Variants in PCBP3 observed in about 807,000 individuals in gnomAD.
PCBP3 encodes poly(rC)-binding protein 3.
In PCBP3, 25 loss-of-function variants were observed where a neutral mutation model predicts 52.7. The observed-to-expected ratio is 0.47, with a 90% CI of 0.35 to 0.66. PCBP3 has a LOEUF of 0.66. PCBP3 is among the 30% of genes least tolerant of loss of function. The probability of loss-of-function intolerance (pLI) is 0.01; values close to 1 mark genes in which losing one functional copy is unlikely to be tolerated. For synonymous variants in PCBP3, 162 were observed against 183.0 expected (o/e 0.89, Z 0.93); for missense variants, 391 against 490.3 (o/e 0.80, Z 1.91).
chr21:45,646,056 TCTCTC>T (rs2079232823), intron 1 of PCBP3, among the ~76,000 whole-genome samples: 1 of 56,758 alleles, frequency 1.8e-5, no homozygotes, highest in South Asian at 1.3e-3. Context: ...CACCTGTTTC[TCTCTC>T]TCTCTCTCTC....
At position 45,802,328 on chromosome 21, in the gene PCBP3, G is replaced by A. The variant is rs772866126; in HGVS notation, c.-126+46876G>A. Among the ~76,000 whole-genome samples, 4 of 152,128 alleles carry A rather than the reference G, an allele frequency of 2.6e-5. No homozygotes were observed. Among genetic ancestry groups the A allele is most frequent in the East Asian group, 1.9e-4 (1 of 5,188 alleles). On this transcript the variant is annotated intron_variant, in intron 4 of 17. Coordinates refer to ENST00000681687, the MANE Select transcript of PCBP3 (RefSeq NM_001384156.1). The surrounding 1 kb of genome is among the most constrained non-coding windows in gnomAD (Gnocchi z 5.1). ...CCACCCCTTGCTGTGTTCCTGAAGC[G>A]TCCTGTCTTCCATGGTCAGGATGCT...
At chr21:45,690,877 A>G (rs1489036386) in intron 2 of PCBP3, among the ~76,000 whole-genome samples, 3 of 152,174 alleles carry the variant, frequency 2.0e-5, no homozygotes, top group Non-Finnish European at 4.4e-5. Context: ...TGATACAAAT[A>G]GTGGTAAACT....
intron 1 of PCBP3, among the ~76,000 whole-genome samples, chr21:45,647,262 T>G (rs1263857317): frequency 6.6e-6 from 1 of 152,232 alleles, no homozygotes; most frequent in Non-Finnish European, 1.5e-5. Context: ...TCAGGAAAAC[T>G]TCCTTCTGCC....
intron 13 of PCBP3, among the ~76,000 whole-genome samples, chr21:45,920,425 A>G (rs2149373410): frequency 2.0e-5 from 3 of 152,358 alleles, no homozygotes; most frequent in Admixed American, 2.0e-4. Flanking sequence ...TCTCTTAGAA[A>G]TGGGTAGTTG....
intron 2 of PCBP3, among the ~76,000 whole-genome samples, chr21:45,672,298 G>A (rs1272733307): frequency 6.6e-6 from 1 of 152,098 alleles, no homozygotes; most frequent in Non-Finnish European, 1.5e-5. Context: ...ACTGTAAGAA[G>A]TAAATTCCTT....
intron 1 of PCBP3, among the ~76,000 whole-genome samples, chr21:45,667,079 T>TTTCTTTCTTTCC (rs1283690016): frequency 0.06 from 711 of 11,908 alleles, 6 homozygotes; most frequent in African/African-American, 0.13. Flanking sequence ...CTGTTTGTTC[T>TTTCTTTCTTTCC]TTCTTTCTTT....
intron 5 of PCBP3, among the ~76,000 whole-genome samples, chr21:45,868,543 G>T (rs2094855534): frequency 6.6e-6 from 1 of 151,378 alleles, no homozygotes; most frequent in South Asian, 2.1e-4. Flanking sequence ...GCCTTAAGGC[G>T]TCTGGCCCGC....
chr21:45,918,097 G>T, intron 13 of PCBP3: 2 of 210,016 alleles, frequency 9.5e-6, no homozygotes, highest in Non-Finnish European at 1.9e-5. Context: ...GAAAACATAG[G>T]GTCCATCTAC....
intron 1 of PCBP3, among the ~76,000 whole-genome samples, chr21:45,649,351 T>C (rs1468489574): frequency 2.0e-5 from 3 of 152,338 alleles, no homozygotes; most frequent in South Asian, 2.1e-4. Flanking sequence ...TGAGATTTGG[T>C]TGGGGACACA....
intron 4 of PCBP3, chr21:45,848,130 G>A (rs2148146287): frequency 6.6e-6 from 1 of 152,378 alleles, no homozygotes; most frequent in South Asian, 2.1e-4. Flanking sequence ...ACAAAGCAAG[G>A]AAAGCAAAAG....
chr21:45,811,258 C>G (rs1468051719), intron 4 of PCBP3, among the ~76,000 whole-genome samples: 1 of 152,212 alleles, frequency 6.6e-6, no homozygotes, highest in African/African-American at 2.4e-5. Context: ...TGATGAGAGC[C>G]CCGACAGCAG....
chr21:45,935,636 C>G (rs931545596), intron 16 of PCBP3: 7 of 435,158 alleles, frequency 1.6e-5, no homozygotes, highest in African/African-American at 1.4e-4. Flanking sequence ...CCTTGAAGAA[C>G]AAGGTGGCCC....
chr21:45,775,387 T>C (rs1291344170), intron 4 of PCBP3, among the ~76,000 whole-genome samples: 1 of 152,028 alleles, frequency 6.6e-6, no homozygotes, highest in Non-Finnish European at 1.5e-5. Flanking sequence ...ATTTCTGATT[T>C]TGTTTTCTTT....
At chr21:45,854,650 A>C (rs753215517) in intron 5 of PCBP3, among the ~76,000 whole-genome samples, 5 of 152,236 alleles carry the variant, frequency 3.3e-5, no homozygotes, top group Non-Finnish European at 7.3e-5. Context: ...CCATCAGTGG[A>C]CAGGAAGGCT....
chr21:45,738,311 G>GGC (rs2086047265), intron 3 of PCBP3, among the ~76,000 whole-genome samples: 1 of 149,004 alleles, frequency 6.7e-6, no homozygotes, highest in African/African-American at 2.5e-5. Context: ...CTGGAGTGCA[G>GGC]TGGTGCCATC....
chr21:45,787,800 C>T (rs1603426854), intron 4 of PCBP3, among the ~76,000 whole-genome samples: 1 of 152,174 alleles, frequency 6.6e-6, no homozygotes, highest in Non-Finnish European at 1.5e-5. Context: ...GCACCTTTGA[C>T]GCTTCACAAA....
chr21:45,659,462 A>G (rs1035146809), intron 1 of PCBP3, among the ~76,000 whole-genome samples: 3 of 142,010 alleles, frequency 2.1e-5, no homozygotes, highest in African/African-American at 7.9e-5. Context: ...CGATCTTCCC[A>G]CCTCATCCTC....
chr21:45,844,690 G>A (rs931119371), intron 4 of PCBP3, among the ~76,000 whole-genome samples: 1 of 152,054 alleles, frequency 6.6e-6, no homozygotes, highest in Non-Finnish European at 1.5e-5. Context: ...AGTTCTGGGT[G>A]TTAGCCCACA....
At chr21:45,923,854 G>A (rs7276938) in intron 13 of PCBP3, among the ~76,000 whole-genome samples, 24,549 of 58,536 alleles carry the variant, frequency 0.42, 3,574 homozygotes, top group African/African-American at 0.59. Flanking sequence ...AGTCGAGTGG[G>A]TAGAAACAGC....
Sources: gnomAD v4.1 joint callset for allele counts (sites outside exome capture counted in the v4.1 genomes callset) on GRCh38, gnomAD v4.1.1 for gene constraint, Gnocchi (gnomAD v3.1) non-coding constraint, MANE v1.5 for transcripts, NCBI Gene and HGNC (gene_info 2026-07-23, HGNC 2026-07-21) for gene names.